WDR64: variants seen among roughly 807,000 people sequenced by gnomAD.
WDR64 encodes WD repeat-containing protein 64.
Under a neutral mutation model 139.3 loss-of-function variants are expected in WDR64, and 112 were observed. The ratio of observed to expected loss-of-function variants is 0.80; its 90% confidence interval spans 0.69 to 0.94. WDR64 has a LOEUF of 0.94. Ranked by LOEUF, WDR64 falls within the 40% of genes least tolerant of loss-of-function variation. The pLI is 0.00. For synonymous variants in WDR64, 444 were observed against 437.7 expected, an observed-to-expected ratio of 1.01 and a Z score of -0.18; for missense variants, 1,206 against 1,293.1, an observed-to-expected ratio of 0.93 and a Z score of 1.03.
At chr1:241,782,586 T>A (rs1658890439) in intron 22 of WDR64, among the ~76,000 whole-genome samples, 1 of 152,106 alleles carries the variant, frequency 6.6e-6, no homozygotes. Flanking sequence ...ACAACTCTAG[T>A]TCACACAATT....
intron 9 of WDR64, among the ~76,000 whole-genome samples, chr1:241,716,787 A>G (rs1317048226): frequency 6.6e-6 from 1 of 152,124 alleles, no homozygotes; most frequent in East Asian, 1.9e-4. Flanking sequence ...TTCCATTCCA[A>G]GCAACGAAAG....
At chr1:241,776,358 C>T (rs1011648650) in intron 21 of WDR64, among the ~76,000 whole-genome samples, 5 of 152,124 alleles carry the variant, frequency 3.3e-5, no homozygotes, top group African/African-American at 1.2e-4. Context: ...GGATTACAGG[C>T]ATGAGCCACC....
intron 9 of WDR64, among the ~76,000 whole-genome samples, chr1:241,721,374 A>C (rs900824807): frequency 1.8e-4 from 27 of 149,584 alleles, no homozygotes; most frequent in Admixed American, 1.6e-3. Context: ...TTTATATGTA[A>C]ATTATGACTG....
chr1:241,681,577 T>C (rs937518095), intron 6 of WDR64, among the ~76,000 whole-genome samples: 14 of 152,236 alleles, frequency 9.2e-5, no homozygotes, highest in African/African-American at 3.4e-4. Context: ...TGTGCTGCTA[T>C]AAACATGAGT....
rs151152407 is a variant in WDR64 at position 241,692,423 on chromosome 1, T to C, written c.974+4828T>C. Among the ~76,000 whole-genome samples the C allele has an allele frequency of 7.2e-4, 109 of 152,346 alleles. 2 individuals are homozygous for C. Among genetic ancestry groups the C allele is most frequent in the African/African-American group, 2.6e-3 (109 of 41,594 alleles). On this transcript the variant is annotated intron_variant, in intron 8 of 27. Transcript: ENST00000437684. The stretch of plus-strand genomic sequence containing the variant: ...CTATAGTAATAAAGATAGTGCGGTA[T>C]TGTAAAACAATGGAAAAAATAGATC...
At chr1:241,727,871 C>T (rs1360599632) in intron 10 of WDR64, among the ~76,000 whole-genome samples, 2 of 151,770 alleles carry the variant, frequency 1.3e-5, no homozygotes, top group Non-Finnish European at 2.9e-5. Context: ...AAGACCCCAT[C>T]TCTACAAAAA....
At chr1:241,675,773 T>C (rs990988394) in intron 4 of WDR64, among the ~76,000 whole-genome samples, 8 of 152,228 alleles carry the variant, frequency 5.3e-5, no homozygotes, top group African/African-American at 1.7e-4. Flanking sequence ...CCTCAAAGGA[T>C]TGTAGTGAGG....
At chr1:241,763,696 C>T (rs1362661586) in intron 15 of WDR64, among the ~76,000 whole-genome samples, 2 of 152,086 alleles carry the variant, frequency 1.3e-5, no homozygotes, top group African/African-American at 2.4e-5. Context: ...CAGAGCAAGA[C>T]TCAGTCTCAA....
At chr1:241,705,496 C>T (rs551243377) in intron 8 of WDR64, among the ~76,000 whole-genome samples, 93 of 150,636 alleles carry the variant, frequency 6.2e-4, no homozygotes, top group African/African-American at 1.8e-3. Flanking sequence ...GAGCCGAGAT[C>T]GCGCCACTGC....
rs78697804 is a variant in WDR64 at position 241,683,799 on chromosome 1, G to A, written c.839+98G>A. ...AGTGAAAAATGAGATTTAAATTACA[G>A]AAAATAAGAAATTAAGACAAAATTA... On this transcript the variant is annotated intron_variant, in intron 7 of 27. Coordinates refer to ENST00000437684, the MANE Select transcript of WDR64 (RefSeq NM_001367482.1). 4,762 of 1,038,634 alleles carry A rather than the reference G, an allele frequency of 4.6e-3. 161 individuals carry two copies. The African/African-American group carries it at 0.07, about 15-fold the overall frequency. 64.3% of individuals were successfully genotyped at this position (1,038,634 alleles called of 1,614,324 possible).
intron 9 of WDR64, 60 bp from the exon 10 acceptor site, chr1:241,723,237 T>C (rs1668671740): frequency 1.9e-6 from 3 of 1,595,732 alleles, no homozygotes; most frequent in Non-Finnish European, 1.7e-6. Flanking sequence ...CAGTGAGAGA[T>C]ACATTTGAAA....
chr1:241,795,567 T>C (rs1407603810), intron 26 of WDR64, among the ~76,000 whole-genome samples: 3 of 152,352 alleles, frequency 2.0e-5, no homozygotes, highest in South Asian at 2.1e-4. Flanking sequence ...GCTTGGCTTA[T>C]AAAACCTCCA....
chr1:241,656,832 T>C lies in WDR64; in HGVS notation c.146-3698T>C, dbSNP rs1478149863. ...ATGCCAGTAGCACACCTACTCCTAG[T>C]TGTGACAGTCAAAAATGTCTCAAGT... is the stretch of plus-strand genomic sequence containing the variant. On this transcript the variant is annotated intron_variant, in intron 1 of 27. Coordinates refer to ENST00000437684, the MANE Select transcript of WDR64 (RefSeq NM_001367482.1). This position sits in a 1 kb window ranked among gnomAD's most constrained non-coding sequence, Gnocchi z 4.3. Among the ~76,000 whole-genome samples the C allele has an allele frequency of 1.3e-5, 2 of 151,686 alleles. No homozygotes were observed. Among genetic ancestry groups the C allele is most frequent in the African/African-American group, 2.4e-5 (1 of 41,216 alleles).
intron 11 of WDR64, 70 bp downstream of exon 11, chr1:241,738,559 T>A: frequency 6.6e-7 from 1 of 1,504,246 alleles, no homozygotes; most frequent in East Asian, 2.3e-5. Context: ...AACTAGCACT[T>A]GAGCACTAAC....
Position 241,703,706 on chromosome 1 carries a change from T to G in WDR64, c.975-8096T>G, listed in dbSNP as rs1420725757. 6.6e-6 allele frequency among the ~76,000 whole-genome samples: 1 copy of G among 152,294 alleles called. No individual in the cohort carries two copies. The highest frequency in any genetic ancestry group is 2.1e-4 in the South Asian group (1 of 4,830). The stretch of plus-strand genomic sequence containing the variant: ...GTTGTGTATTAATCCATTTTCACAC[T>G]GCTATAAAGATACTATCTGAGACTC... On this transcript the variant is annotated intron_variant, in intron 8 of 27. Transcript: ENST00000437684. This position sits in a 1 kb window ranked among gnomAD's most constrained non-coding sequence, Gnocchi z 5.9.
At chr1:241,658,284 G>GGTGTGTGTGTGTGTGTGTGT (rs56011225) in intron 1 of WDR64, among the ~76,000 whole-genome samples, 3 of 147,164 alleles carry the variant, frequency 2.0e-5, no homozygotes, top group Non-Finnish European at 3.0e-5. Flanking sequence ...TTCAAGCAAT[G>GGTGTGTGTGTGTGTGTGTGT]GTGTGTGTGT....
chr1:241,725,817 C>A lies in WDR64; in HGVS notation c.1194+2381C>A, dbSNP rs375485423. ...AGACTCCAAAGATTCACTATCCCCC[C>A]ACTCCAAAAAAAAAACTCTCAATTT... On this transcript the variant is annotated intron_variant, in intron 10 of 27. Coordinates refer to ENST00000437684, the MANE Select transcript of WDR64 (RefSeq NM_001367482.1). 7.2e-5 allele frequency among the ~76,000 whole-genome samples: 11 copies of A among 151,956 alleles called. No homozygotes were observed. In the South Asian group the frequency reaches 1.5e-3, roughly 20 times the overall value.
Position 241,770,640 on chromosome 1 carries a change from A to G in WDR64, c.2203A>G (p.Ile735Val), listed in dbSNP as rs374393927. ...TTATAGGAGATCAAGTCAGGATTCC[A>G]TATGTTCTTCATCCCAGTGTGAATC... ...ECARRSSQDSICSSSQCESSK... is the reference protein window; with the variant it reads ...ECARRSSQDSVCSSSQCESSK... Residue 735 changes from isoleucine (I) to valine (V), a missense_variant, in exon 18 of 28, where the codon ATA (isoleucine) becomes GTA (valine). Ile to Val is a conservative substitution (Grantham distance 29). Transcript: ENST00000437684. The G allele has an allele frequency of 3.7e-5, 58 of 1,551,494 alleles. No homozygotes were observed. The African/African-American group carries it at 6.8e-4, about 18-fold the overall frequency.
chr1:241,699,580 G>A (rs1667628639), intron 8 of WDR64, among the ~76,000 whole-genome samples: 1 of 152,160 alleles, frequency 6.6e-6, no homozygotes. Context: ...TAGGATTGTA[G>A]GGGTGGGTGG....
Sources: allele counts gnomAD v4.1 joint callset (sites outside exome capture counted in the v4.1 genomes callset), GRCh38; gene constraint gnomAD v4.1.1; non-coding constraint Gnocchi (gnomAD v3.1); transcripts MANE v1.5; gene names NCBI Gene and HGNC (gene_info 2026-07-23, HGNC 2026-07-21).